The following NCKAP5 variants were observed in gnomAD, a reference collection of about 807,000 sequenced individuals.
NCKAP5 encodes the protein NCK associated protein 5.
In NCKAP5, 92 loss-of-function variants were observed where a neutral mutation model predicts 167.0. The ratio of observed to expected loss-of-function variants is 0.55; its 90% CI spans 0.47 to 0.66. The LOEUF is 0.66. Ranked by LOEUF, NCKAP5 falls within the 30% of genes least tolerant of loss-of-function variation. NCKAP5 has a pLI of 0.00. For missense variants in NCKAP5, 2,378 were observed against 2,315.0 expected (o/e 1.03, Z -0.56); for synonymous variants, 891 against 877.4 (o/e 1.02, Z -0.27).
At position 132,920,771 on chromosome 2, in the gene NCKAP5, G is replaced by GTGTGTATATA. The variant is rs1219401757; in HGVS notation, c.580-41856_580-41855insTATATACACA. On this transcript the variant is annotated intron_variant, in intron 8 of 19. Coordinates refer to ENST00000409261, the MANE Select transcript of NCKAP5 (RefSeq NM_207363.3). ...TATATATATATGTATATATATGTAT[G>GTGTGTATATA]TATATATATATATATATATATATAT... Among the ~76,000 whole-genome samples the GTGTGTATATA allele has an allele frequency of 4.4e-4, 14 of 31,578 alleles. 1 individual carries two copies. The highest frequency in any genetic ancestry group is 7.2e-4 in the Non-Finnish European group (11 of 15,326). 20.7% of individuals were successfully genotyped at this position (31,578 alleles called of 152,430 possible).
the NCKAP5 span, among the ~76,000 whole-genome samples, chr2:133,620,590 C>T: frequency 6.6e-6 from 1 of 151,962 alleles, no homozygotes. Flanking sequence ...AATATATATG[C>T]ACCTAACACT....
intron 5 of NCKAP5, among the ~76,000 whole-genome samples, chr2:133,207,879 C>T (rs998422863): frequency 1.3e-5 from 2 of 152,202 alleles, no homozygotes; most frequent in African/African-American, 2.4e-5. Flanking sequence ...ATTCCACCCT[C>T]AATGAAGTGG....
At chr2:132,920,783 A>ATGTG (rs1558943410) in intron 8 of NCKAP5, among the ~76,000 whole-genome samples, 2 of 55,490 alleles carry the variant, frequency 3.6e-5, no homozygotes, top group East Asian at 1.8e-3. Context: ...ATATATATAT[A>ATGTG]TATATATATA....
chr2:132,873,543 A>G (rs1021528935), intron 9 of NCKAP5, among the ~76,000 whole-genome samples: 1 of 152,250 alleles, frequency 6.6e-6, no homozygotes, highest in African/African-American at 2.4e-5. Flanking sequence ...CATCTGTATT[A>G]TTCATTTACT....
chr2:132,742,556 T>C (rs1679296702), intron 16 of NCKAP5, among the ~76,000 whole-genome samples: 1 of 151,974 alleles, frequency 6.6e-6, no homozygotes, highest in Non-Finnish European at 1.5e-5. Context: ...AGAGTATAAA[T>C]AATTTTAGCC....
intron 4 of NCKAP5, among the ~76,000 whole-genome samples, chr2:133,221,734 C>T (rs2086670896): frequency 6.6e-6 from 1 of 152,166 alleles, no homozygotes; most frequent in African/African-American, 2.4e-5. Context: ...GCACTTTCTG[C>T]TATTTCTAAG....
chr2:133,607,708 AC>A, the NCKAP5 span, among the ~76,000 whole-genome samples: 3 of 152,304 alleles, frequency 2.0e-5, no homozygotes, highest in Middle Eastern at 6.8e-3. Flanking sequence ...AAAAAGCTCA[AC>A]CCTTTGATTT....
intron 4 of NCKAP5, among the ~76,000 whole-genome samples, chr2:133,278,619 T>C (rs2089823956): frequency 6.6e-6 from 1 of 152,160 alleles, no homozygotes; most frequent in Non-Finnish European, 1.5e-5. Flanking sequence ...CATTCTGATA[T>C]GTATTTTTTT....
At chr2:133,462,533 TC>T (rs1230136150) in intron 3 of NCKAP5, among the ~76,000 whole-genome samples, 1 of 152,174 alleles carries the variant, frequency 6.6e-6, no homozygotes, top group Non-Finnish European at 1.5e-5. Context: ...AAATGGAAGT[TC>T]CAAATATACT....
chr2:132,879,210 T>G (rs1295105658), intron 8 of NCKAP5, among the ~76,000 whole-genome samples: 3 of 152,186 alleles, frequency 2.0e-5, no homozygotes, highest in South Asian at 2.1e-4. Flanking sequence ...AAGATTACAA[T>G]GTTTATTTTA....
chr2:132,772,331 T>A (rs1431373270), intron 16 of NCKAP5, among the ~76,000 whole-genome samples: 1 of 152,170 alleles, frequency 6.6e-6, no homozygotes, highest in Non-Finnish European at 1.5e-5. Flanking sequence ...GGAAGTAAAT[T>A]TTTAATTTTA....
intron 19 of NCKAP5, among the ~76,000 whole-genome samples, chr2:132,687,873 G>A (rs1351225348): frequency 6.6e-6 from 1 of 152,096 alleles, no homozygotes; most frequent in African/African-American, 2.4e-5. Flanking sequence ...CTTGGTCAGG[G>A]CCAATAAAGA....
At chr2:132,895,305 T>TGA (rs1157011900) in intron 8 of NCKAP5, among the ~76,000 whole-genome samples, 4 of 137,804 alleles carry the variant, frequency 2.9e-5, no homozygotes, top group Non-Finnish European at 4.5e-5. Flanking sequence ...CACTCCAGCC[T>TGA]GGAGACTGGA....
At chr2:133,236,392 C>A (rs2150276060) in intron 4 of NCKAP5, among the ~76,000 whole-genome samples, 1 of 152,168 alleles carries the variant, frequency 6.6e-6, no homozygotes, top group Non-Finnish European at 1.5e-5. Context: ...AGCATATATA[C>A]CCTACCAGTT....
At chr2:133,166,267 A>G (rs140526938) in intron 5 of NCKAP5, among the ~76,000 whole-genome samples, 76 of 152,334 alleles carry the variant, frequency 5.0e-4, no homozygotes, top group Middle Eastern at 3.4e-3. Flanking sequence ...TTAATGTAGC[A>G]TACTTCATGT....
intron 17 of NCKAP5, among the ~76,000 whole-genome samples, chr2:132,730,763 T>C (rs1690920638): frequency 6.6e-6 from 1 of 152,224 alleles, no homozygotes; most frequent in Non-Finnish European, 1.5e-5. Flanking sequence ...GTGTCATTAA[T>C]TAACAACACA....
At chr2:132,945,171 A>C (rs371977144) in intron 8 of NCKAP5, among the ~76,000 whole-genome samples, 1 of 151,884 alleles carries the variant, frequency 6.6e-6, no homozygotes, top group East Asian at 1.9e-4. Context: ...CACTCCCTAC[A>C]CCCAGATAAG....
chr2:133,216,488 A>G (rs2086435275), intron 4 of NCKAP5, among the ~76,000 whole-genome samples: 1 of 152,176 alleles, frequency 6.6e-6, no homozygotes, highest in Non-Finnish European at 1.5e-5. Flanking sequence ...AAATTGGAAC[A>G]TGAAAACGTA....
At chr2:133,155,297 C>A (rs2083532285) in intron 5 of NCKAP5, among the ~76,000 whole-genome samples, 1 of 152,172 alleles carries the variant, frequency 6.6e-6, no homozygotes, top group Non-Finnish European at 1.5e-5. Flanking sequence ...TAGAGTACAT[C>A]AAAATCACAC....
Sources: gnomAD v4.1 joint callset for allele counts (sites outside exome capture counted in the v4.1 genomes callset) on GRCh38, gnomAD v4.1.1 for gene constraint, MANE v1.5 for transcripts, NCBI Gene and HGNC (gene_info 2026-07-23, HGNC 2026-07-21) for gene names.